Variants in SH3BP4 observed in about 807,000 individuals in gnomAD.
SH3BP4 encodes the protein SH3 domain-binding protein 4.
SH3BP4 carries 33 observed loss-of-function variants against 65.5 expected under a neutral mutation model. The ratio of observed to expected loss-of-function variants is 0.50; its 90% CI spans 0.38 to 0.67. SH3BP4 has a LOEUF of 0.67. Among genes scored for constraint, SH3BP4 ranks in the 30% least tolerant of loss-of-function variants. The pLI, the probability that SH3BP4 is intolerant of heterozygous loss-of-function variation, is 0.00. For synonymous variants in SH3BP4, 552 were observed against 545.5 expected, an observed-to-expected ratio of 1.01 and a Z score of -0.17; for missense variants, 1,134 against 1,261.4, an observed-to-expected ratio of 0.90 and a Z score of 1.53.
chr2:234,985,317 T>A (rs1283936715), intron 1 of SH3BP4, among the ~76,000 whole-genome samples: 1 of 152,160 alleles, frequency 6.6e-6, no homozygotes, highest in East Asian at 1.9e-4. Context: ...ACATCTGCCT[T>A]AATGACTTCA....
chr2:234,958,469 G>A (rs2106238844), intron 1 of SH3BP4, among the ~76,000 whole-genome samples: 1 of 152,172 alleles, frequency 6.6e-6, no homozygotes, highest in African/African-American at 2.4e-5. Context: ...CCAGAGGAGG[G>A]CTGTTTGAGA....
At chr2:234,968,203 A>G (rs1191229080) in intron 1 of SH3BP4, among the ~76,000 whole-genome samples, 1 of 152,052 alleles carries the variant, frequency 6.6e-6, no homozygotes, top group Non-Finnish European at 1.5e-5. Context: ...TATTCAGGGA[A>G]TATTTGTTAG....
chr2:235,025,182 A>C (rs1375242637), intron 2 of SH3BP4, among the ~76,000 whole-genome samples: 1 of 152,146 alleles, frequency 6.6e-6, no homozygotes, highest in Non-Finnish European at 1.5e-5. Flanking sequence ...CCCAGGCTTG[A>C]TGAGCACTTG....
chr2:234,957,747 C>T (rs778673666), intron 1 of SH3BP4, among the ~76,000 whole-genome samples: 2 of 151,824 alleles, frequency 1.3e-5, no homozygotes, highest in African/African-American at 4.8e-5. Context: ...ACGTTGAACA[C>T]CAGGGATGTG....
chr2:234,996,587 A>G (rs1025550622), intron 2 of SH3BP4, among the ~76,000 whole-genome samples: 1 of 152,182 alleles, frequency 6.6e-6, no homozygotes, highest in Non-Finnish European at 1.5e-5. Context: ...GCCTTTCCTT[A>G]TAAGTGCAGC....
chr2:235,041,383 C>G lies in SH3BP4; in HGVS notation c.614C>G (p.Ser205Cys). 1 of 1,614,210 alleles carries G rather than the reference C, an allele frequency of 6.2e-7. No homozygotes were observed. The highest frequency in any genetic ancestry group is 8.5e-7 in the Non-Finnish European group (1 of 1,180,048). ...FDAGTSSFTESSSATTNSTGN... is the reference protein window; with the variant it reads ...FDAGTSSFTECSSATTNSTGN... ...GCAGGTACATCCTCCTTCACCGAAT[C>G]CAGCTCAGCCACCACGAATAGCACT... The change falls in exon 4 of 6, where the codon TCC becomes TGC. Residue 205 changes from serine (S) to cysteine (C), a missense_variant. By Grantham distance (112) the Ser-to-Cys change is moderately radical. Transcript: ENST00000392011. The surrounding 1 kb of genome is among the most constrained non-coding windows in gnomAD (Gnocchi z 6.0).
chr2:234,973,000 GTGAC>G (rs1559227783), intron 1 of SH3BP4, among the ~76,000 whole-genome samples: 1 of 152,190 alleles, frequency 6.6e-6, no homozygotes, highest in East Asian at 1.9e-4. Context: ...AAGCCTCCTG[GTGAC>G]TCTAAAGTAT....
rs185477909 is a variant in SH3BP4 at position 235,013,117 on chromosome 2, G to A, written c.-133+17741G>A. Among the ~76,000 whole-genome samples, 34 of 152,334 alleles carry A rather than the reference G, an allele frequency of 2.2e-4. No individual in the cohort carries two copies. The East Asian group carries it at 4.2e-3, about 19-fold the overall frequency. On this transcript the variant is annotated intron_variant, in intron 2 of 5. Transcript: ENST00000392011. ...TCCCAGAATGAATCTTGCATCAGCA[G>A]AGGTGAGATTCAGTTGTGAGAGAAG...
intron 2 of SH3BP4, among the ~76,000 whole-genome samples, chr2:235,019,300 A>G (rs890845096): frequency 6.6e-6 from 1 of 151,950 alleles, no homozygotes; most frequent in African/African-American, 2.4e-5. Context: ...TAATAGAGAG[A>G]GGAGATCAGA....
intron 2 of SH3BP4, among the ~76,000 whole-genome samples, chr2:235,017,611 G>A (rs1339914269): frequency 1.3e-5 from 2 of 152,080 alleles, no homozygotes; most frequent in Admixed American, 6.6e-5. Context: ...ATGAGTGACT[G>A]GGCATAAGTT....
intron 1 of SH3BP4, among the ~76,000 whole-genome samples, chr2:234,966,562 C>T (rs919786088): frequency 1.3e-5 from 2 of 152,186 alleles, no homozygotes; most frequent in African/African-American, 4.8e-5. Context: ...GTGAACATAG[C>T]AAGTATCTGA....
intron 2 of SH3BP4, among the ~76,000 whole-genome samples, chr2:235,024,612 C>A (rs1391411183): frequency 1.3e-5 from 2 of 152,014 alleles, no homozygotes; most frequent in Non-Finnish European, 2.9e-5. Flanking sequence ...AGGGAAAGCC[C>A]CTTTCAATAA....
At position 235,040,976 on chromosome 2, in the gene SH3BP4, C is replaced by T. The variant is rs767527941; in HGVS notation, c.207C>T (p.Thr69=). 1 of 1,614,134 alleles carries T rather than the reference C, an allele frequency of 6.2e-7. No individual in the cohort carries two copies. The highest frequency in any genetic ancestry group is 8.5e-7 in the Non-Finnish European group (1 of 1,179,996). ...EVIAIKDYCP[T]NFTTLKFSKG... ...TTGCGATCAAGGACTATTGCCCCAC[C>T]AACTTCACCACACTGAAGTTCTCCA... The change falls in exon 4 of 6, where the codon ACC becomes ACT. Residue 69 remains threonine, a synonymous_variant. Transcript: ENST00000392011.
At chr2:235,027,117 A>G (rs1299560819) in intron 2 of SH3BP4, among the ~76,000 whole-genome samples, 2 of 152,228 alleles carry the variant, frequency 1.3e-5, no homozygotes, top group Non-Finnish European at 2.9e-5. Context: ...CCTCGCCCTG[A>G]GTCGTAGCCT....
intron 1 of SH3BP4, among the ~76,000 whole-genome samples, chr2:234,962,918 T>G (rs1266504202): frequency 6.6e-6 from 1 of 152,072 alleles, no homozygotes; most frequent in East Asian, 1.9e-4. Context: ...TTTCTACTAA[T>G]TTTAATATTT....
intron 1 of SH3BP4, among the ~76,000 whole-genome samples, chr2:234,966,423 A>G (rs1376258578): frequency 1.3e-5 from 2 of 152,236 alleles, no homozygotes; most frequent in Non-Finnish European, 2.9e-5. Context: ...TAAAATTTGT[A>G]GAGCAGCTAC....
In SH3BP4 at chr2:235,031,739, AC is replaced by A. The variant is rs1695208970; in HGVS notation, c.-132-3129del. Among the ~76,000 whole-genome samples the A allele has an allele frequency of 4.6e-5, 7 of 151,740 alleles. No individual in the cohort carries two copies. The South Asian group carries it at 1.5e-3, about 32-fold the overall frequency. ...CTCACTGAACACTCACTGGCATCTC[AC>A]CCTCTATGGGCAGCTCTCTGGGCCC... On this transcript the variant is annotated intron_variant, in intron 2 of 5. Coordinates refer to ENST00000392011, the MANE Select transcript of SH3BP4 (RefSeq NM_014521.3).
intron 2 of SH3BP4, among the ~76,000 whole-genome samples, chr2:235,014,828 T>G (rs1694637523): frequency 1.3e-5 from 2 of 152,188 alleles, no homozygotes; most frequent in South Asian, 4.1e-4. Context: ...AGACCTTCTT[T>G]CCAAAGACAG....
chr2:234,996,925 C>T (rs567661024), intron 2 of SH3BP4, among the ~76,000 whole-genome samples: 115 of 150,514 alleles, frequency 7.6e-4, no homozygotes, highest in Middle Eastern at 6.8e-3. Context: ...GGGCGGCACG[C>T]ATGTGGTTTG....
Sources: gnomAD v4.1 joint callset for allele counts (sites outside exome capture counted in the v4.1 genomes callset) on GRCh38, gnomAD v4.1.1 for gene constraint, Gnocchi (gnomAD v3.1) non-coding constraint, MANE v1.5 for transcripts, NCBI Gene and HGNC (gene_info 2026-07-23, HGNC 2026-07-21) for gene names.